Variants in TMA16 observed in about 807,000 individuals in gnomAD.
TMA16 encodes translation machinery-associated protein 16.
TMA16 carries 26 observed loss-of-function variants against 27.1 expected under a neutral mutation model. The observed-to-expected ratio is 0.96, with a 90% CI of 0.70 to 1.33. The LOEUF (loss-of-function observed/expected upper bound fraction) is 1.33. Among genes scored for constraint, TMA16 ranks in the 40% most tolerant of loss-of-function variants. The probability of loss-of-function intolerance (pLI) is 0.00; values close to 1 mark genes in which losing one functional copy is unlikely to be tolerated. For synonymous variants in TMA16, 71 were observed against 81.9 expected, an observed-to-expected ratio of 0.87 and a Z score of 0.72; for missense variants, 233 against 241.4, an observed-to-expected ratio of 0.97 and a Z score of 0.23.
At chr4:163,512,908 C>T (rs760179633) in intron 3 of TMA16, 49 bp downstream of exon 3, 16 of 1,370,068 alleles carry the variant, frequency 1.2e-5, no homozygotes, top group Non-Finnish European at 1.5e-5. Flanking sequence ...TAGGGCATTT[C>T]TGCCCTATAC....
intron 6 of TMA16, 65 bp from the exon 7 acceptor site, chr4:163,519,269 T>C: frequency 7.1e-7 from 1 of 1,415,104 alleles, no homozygotes; most frequent in Non-Finnish European, 9.3e-7. Flanking sequence ...ATTTACTATC[T>C]CCTGTTTTTC....
At position 163,514,114 on chromosome 4, in the gene TMA16, A is replaced by C. The variant is rs903464624; in HGVS notation, c.195A>C (p.Gln65His). ...GGTTTCAAAATCATCTTGATCCCCAAAAAAAGAGATATTCAAAGAAAGATG... is the reference window on the plus strand; with the variant it reads ...GGTTTCAAAATCATCTTGATCCCCACAAAAAGAGATATTCAAAGAAAGATG... ...LQWFQNHLDP[Q>H]KKRYSKKDAC... Residue 65 changes from glutamine to histidine, a missense_variant, in exon 4 of 7, where the codon CAA (glutamine) becomes CAC (histidine). Transcript: ENST00000358572. 5 of 1,609,840 alleles carry C rather than the reference A, an allele frequency of 3.1e-6. No individual in the cohort carries two copies. The highest frequency in any genetic ancestry group is 3.4e-6 in the Non-Finnish European group (4 of 1,178,122).
chr4:163,518,728 T>C (rs1737922027), intron 6 of TMA16, among the ~76,000 whole-genome samples: 1 of 152,184 alleles, frequency 6.6e-6, no homozygotes, highest in East Asian at 1.9e-4. Context: ...CTTTTGAGCT[T>C]ATGTATAGCA....
chr4:163,515,704 G>A, intron 5 of TMA16: 2 of 358,874 alleles, frequency 5.6e-6, no homozygotes, highest in Non-Finnish European at 5.1e-6. Context: ...TAGTAATACT[G>A]ATTACTTTCA....
intron 2 of TMA16, 122 bp from the exon 3 acceptor site, chr4:163,512,700 T>A (rs1385764833): frequency 3.3e-6 from 2 of 601,200 alleles, no homozygotes; most frequent in African/African-American, 3.7e-5. Flanking sequence ...ATTCTCAAAT[T>A]TGTAAAAGAA....
At chr4:163,498,890 T>G (rs1335693862) in intron 1 of TMA16, among the ~76,000 whole-genome samples, 2 of 152,112 alleles carry the variant, frequency 1.3e-5, no homozygotes, top group Non-Finnish European at 2.9e-5. Context: ...ACTTCTGGCT[T>G]CAAATGATCT....
At chr4:163,495,525 T>C (rs78480724) in intron 1 of TMA16, among the ~76,000 whole-genome samples, 2,547 of 152,366 alleles carry the variant, frequency 0.017, 64 homozygotes, top group African/African-American at 0.057. Context: ...TTATAGTTAC[T>C]ACATATATTT....
intron 3 of TMA16, among the ~76,000 whole-genome samples, chr4:163,513,429 A>G (rs1737824874): frequency 6.6e-6 from 1 of 151,934 alleles, no homozygotes; most frequent in African/African-American, 2.4e-5. Context: ...GGGCCGGGTG[A>G]TTTTTTTTGA....
chr4:163,499,492 AC>A (rs1737613934), intron 1 of TMA16, among the ~76,000 whole-genome samples: 1 of 152,082 alleles, frequency 6.6e-6, no homozygotes, highest in East Asian at 1.9e-4. Context: ...AGAGTGATAT[AC>A]CAAATTTTAA....
At chr4:163,496,765 T>C (rs934260254) in intron 1 of TMA16, among the ~76,000 whole-genome samples, 1 of 151,904 alleles carries the variant, frequency 6.6e-6, no homozygotes, top group Non-Finnish European at 1.5e-5. Context: ...ACCCAGCTAA[T>C]TTTTGTATGT....
chr4:163,504,867 G>A (rs1207402796), intron 1 of TMA16, among the ~76,000 whole-genome samples: 3 of 152,100 alleles, frequency 2.0e-5, no homozygotes. Flanking sequence ...TCAGCTCCTC[G>A]TGGACTGTTG....
intron 4 of TMA16, 118 bp from the exon 5 acceptor site, chr4:163,515,195 C>A: frequency 9.4e-7 from 1 of 1,060,088 alleles, no homozygotes; most frequent in Non-Finnish European, 1.3e-6. Context: ...CTGAGGAACT[C>A]AGAGAAACAT....
At chr4:163,515,159 G>T (rs902230844) in intron 4 of TMA16, among the ~76,000 whole-genome samples, 154 bp from the exon 5 acceptor site, 5 of 152,100 alleles carry the variant, frequency 3.3e-5, no homozygotes, top group South Asian at 2.1e-4. Flanking sequence ...AGTTATCCAG[G>T]GAATGGGTAA....
chr4:163,504,170 A>T (rs1275058791), intron 1 of TMA16, among the ~76,000 whole-genome samples: 1 of 152,056 alleles, frequency 6.6e-6, no homozygotes, highest in Non-Finnish European at 1.5e-5. Flanking sequence ...AGCTTCAGAG[A>T]CTTTATATTT....
At chr4:163,508,238 C>T (rs776095310) in intron 2 of TMA16, among the ~76,000 whole-genome samples, 1 of 152,104 alleles carries the variant, frequency 6.6e-6, no homozygotes, top group Non-Finnish European at 1.5e-5. Flanking sequence ...AACTTAAGTA[C>T]ATGAAATACA....
At chr4:163,495,734 T>C (rs1408083841) in intron 1 of TMA16, among the ~76,000 whole-genome samples, 1 of 152,236 alleles carries the variant, frequency 6.6e-6, no homozygotes, top group Non-Finnish European at 1.5e-5. Context: ...CTTTTCATTT[T>C]TTTCTCTTTT....
At chr4:163,504,589 C>T (rs544990901) in intron 1 of TMA16, among the ~76,000 whole-genome samples, 2 of 152,258 alleles carry the variant, frequency 1.3e-5, no homozygotes, top group African/African-American at 2.4e-5. Flanking sequence ...TCTCCACCTC[C>T]GTAGTTCAAG....
Position 163,519,791 on chromosome 4 carries a change from C to CA in TMA16, c.*283dup, listed in dbSNP as rs1737942191. ...TGGGAGGGAGCAATATAACTAAGGA[C>CA]AAAAAATGTTTTGTTTTTCTTGTGT... On this transcript the variant is annotated 3_prime_UTR_variant, in exon 7 of 7. Coordinates refer to ENST00000358572, the MANE Select transcript of TMA16 (RefSeq NM_018352.3). 2.0e-6 allele frequency: 1 copy of CA among 494,974 alleles called. No homozygotes were observed. The highest frequency in any genetic ancestry group is 3.5e-6 in the Non-Finnish European group (1 of 284,706). 30.7% of individuals were successfully genotyped at this position (494,974 alleles called of 1,614,324 possible).
chr4:163,499,908 A>C (rs1024505929), intron 1 of TMA16, among the ~76,000 whole-genome samples: 1 of 152,206 alleles, frequency 6.6e-6, no homozygotes, highest in African/African-American at 2.4e-5. Flanking sequence ...CAAATAAATA[A>C]GTAGCTCAGC....
Sources: allele counts gnomAD v4.1 joint callset (sites outside exome capture counted in the v4.1 genomes callset), GRCh38; gene constraint gnomAD v4.1.1; transcripts MANE v1.5; gene names NCBI Gene and HGNC (gene_info 2026-07-23, HGNC 2026-07-21).